The following NCALD variants were observed in gnomAD, a reference collection of about 807,000 sequenced individuals.
NCALD encodes the protein neurocalcin-delta.
A neutral mutation model predicts 18.6 loss-of-function variants in NCALD; 10 were observed. The ratio of observed to expected loss-of-function variants is 0.54; its 90% CI spans 0.33 to 0.91. The LOEUF is 0.91. Among genes scored for constraint, NCALD ranks in the 40% least tolerant of loss-of-function variants. The pLI, the probability that NCALD is intolerant of heterozygous loss-of-function variation, is 0.03. For synonymous variants in NCALD, 88 were observed against 87.4 expected (o/e 1.01, Z -0.04); for missense variants, 184 against 247.6 (o/e 0.74, Z 1.72).
rs1821465704 is a variant in NCALD, at chr8:102,001,521, G to C, written c.-157+18716C>G. On this transcript the variant is annotated intron_variant, in intron 2 of 6. Transcript: ENST00000311028. ...CCAACATTCAAATTCAGGAAATACA[G>C]AGAATGCCACAAAGATACTCCTCGA... Among the ~76,000 whole-genome samples, 3 of 152,192 alleles carry C rather than the reference G, an allele frequency of 2.0e-5. No individual in the cohort carries two copies. In the South Asian group the frequency reaches 6.2e-4, roughly 31 times the overall value.
chr8:102,117,863 C>A (rs1825837444), intron 1 of NCALD, among the ~76,000 whole-genome samples: 1 of 152,188 alleles, frequency 6.6e-6, no homozygotes, highest in Admixed American at 6.5e-5. Flanking sequence ...CCAAAACACA[C>A]AGGTTGGGGA....
intron 3 of NCALD, among the ~76,000 whole-genome samples, chr8:101,895,256 C>G (rs1264844307): frequency 4.4e-5 from 6 of 136,070 alleles, no homozygotes; most frequent in Non-Finnish European, 9.0e-5. Flanking sequence ...GAGCCAAAGA[C>G]AAAAACCACA....
chr8:101,943,781 A>C (rs987176115), intron 2 of NCALD, among the ~76,000 whole-genome samples: 6 of 152,252 alleles, frequency 3.9e-5, no homozygotes, highest in African/African-American at 1.2e-4. Context: ...TCTACTAAAA[A>C]TACAAAAAAA....
At chr8:101,983,629 G>A (rs530295251) in intron 2 of NCALD, among the ~76,000 whole-genome samples, 33 of 152,178 alleles carry the variant, frequency 2.2e-4, no homozygotes, top group Admixed American at 3.3e-4. Context: ...CTTTCCGCTG[G>A]CTCCTTCAAA....
At chr8:102,064,647 T>C (rs910396206) in intron 1 of NCALD, among the ~76,000 whole-genome samples, 5 of 152,216 alleles carry the variant, frequency 3.3e-5, no homozygotes, top group African/African-American at 1.2e-4. Flanking sequence ...GGATGGCAGC[T>C]AAAGCTTATT....
At chr8:101,988,635 T>C (rs1453964379) in intron 2 of NCALD, among the ~76,000 whole-genome samples, 1 of 152,174 alleles carries the variant, frequency 6.6e-6, no homozygotes, top group Admixed American at 6.5e-5. Context: ...TCGTTATCTG[T>C]GGTAGGGACA....
intron 2 of NCALD, among the ~76,000 whole-genome samples, chr8:102,019,613 T>C (rs1055506237): frequency 1.3e-5 from 2 of 152,166 alleles, no homozygotes; most frequent in South Asian, 2.1e-4. Flanking sequence ...AATTCCAGTA[T>C]TTTGAAAACC....
chr8:101,748,215 T>G (rs1230633405), intron 1 of NCALD, among the ~76,000 whole-genome samples: 1 of 152,068 alleles, frequency 6.6e-6, no homozygotes, highest in African/African-American at 2.4e-5. Flanking sequence ...CATGGCTTAT[T>G]AAAAAGGGAG....
intron 4 of NCALD, among the ~76,000 whole-genome samples, chr8:101,863,545 G>C (rs1815632840): frequency 6.6e-6 from 1 of 151,818 alleles, no homozygotes; most frequent in East Asian, 1.9e-4. Flanking sequence ...ATTCCATTCT[G>C]TGGTTGGTAT....
At chr8:101,967,723 C>T (rs113333538) in intron 2 of NCALD, among the ~76,000 whole-genome samples, 3,095 of 152,236 alleles carry the variant, frequency 0.02, 96 homozygotes, top group African/African-American at 0.066. Flanking sequence ...CTGCCACCAG[C>T]AAGGCAGCAG....
chr8:101,924,774 G>GA (rs1233957813), intron 2 of NCALD, among the ~76,000 whole-genome samples: 1 of 152,110 alleles, frequency 6.6e-6, no homozygotes, highest in Non-Finnish European at 1.5e-5. Context: ...CACAAATGTC[G>GA]AAAAAATATT....
At chr8:101,997,126 T>G (rs972665582) in intron 2 of NCALD, among the ~76,000 whole-genome samples, 2 of 152,188 alleles carry the variant, frequency 1.3e-5, no homozygotes, top group African/African-American at 4.8e-5. Context: ...AAAATTTCCA[T>G]TAAGCTCATT....
At chr8:101,904,844 C>T (rs1817557491) in intron 3 of NCALD, among the ~76,000 whole-genome samples, 1 of 152,074 alleles carries the variant, frequency 6.6e-6, no homozygotes, top group Admixed American at 6.6e-5. Context: ...CCCACTCTGC[C>T]CTTTGATTCT....
intron 4 of NCALD, among the ~76,000 whole-genome samples, chr8:101,875,839 G>A (rs1200055626): frequency 6.6e-6 from 1 of 152,164 alleles, no homozygotes. Flanking sequence ...CACATGTCCT[G>A]GAATTGAAAA....
chr8:101,791,698 A>G (rs555246839), upstream of NCALD, among the ~76,000 whole-genome samples: 19 of 152,252 alleles, frequency 1.2e-4, no homozygotes, highest in South Asian at 3.9e-3. Flanking sequence ...GGAGTTTCAA[A>G]ACAGTGTTAC....
At chr8:101,751,832 A>G (rs1810673058) in intron 1 of NCALD, among the ~76,000 whole-genome samples, 1 of 152,204 alleles carries the variant, frequency 6.6e-6, no homozygotes, top group Admixed American at 6.5e-5. Flanking sequence ...TCAGCTTTCA[A>G]AGGCTGCCAG....
chr8:101,881,902 A>G (rs918089680), intron 4 of NCALD, among the ~76,000 whole-genome samples: 1 of 152,252 alleles, frequency 6.6e-6, no homozygotes, highest in Non-Finnish European at 1.5e-5. Flanking sequence ...AGAATTGCAC[A>G]CATTTGTGAT....
chr8:101,866,162 C>G (rs1036977944), intron 4 of NCALD, among the ~76,000 whole-genome samples: 2 of 152,222 alleles, frequency 1.3e-5, no homozygotes, highest in Non-Finnish European at 2.9e-5. Context: ...AGCCAATGGT[C>G]AATTCTCAGC....
chr8:102,036,126 AAAAT>A (rs1554583477), intron 1 of NCALD, among the ~76,000 whole-genome samples: 4 of 148,876 alleles, frequency 2.7e-5, no homozygotes, highest in Middle Eastern at 3.2e-3. Flanking sequence ...CATCTCTACA[AAAAT>A]AAATAAATAA....
Sources: gnomAD v4.1 joint callset for allele counts (sites outside exome capture counted in the v4.1 genomes callset) on GRCh38, gnomAD v4.1.1 for gene constraint, MANE v1.5 for transcripts, NCBI Gene and HGNC (gene_info 2026-07-23, HGNC 2026-07-21) for gene names.